WWOX: variants seen among roughly 807,000 people sequenced by gnomAD.
WWOX encodes WW domain containing oxidoreductase.
A neutral mutation model predicts 46.2 loss-of-function variants in WWOX; 69 were observed. That is an observed-to-expected ratio of 1.49 (90% CI 1.23 to 1.82). The LOEUF (loss-of-function observed/expected upper bound fraction) is 1.82. WWOX is among the 40% of genes most tolerant of loss of function. The pLI, the probability that WWOX is intolerant of heterozygous loss-of-function variation, is 0.00. For missense variants in WWOX, 919 were observed against 542.6 expected (o/e 1.69, Z -6.89); for synonymous variants, 359 against 202.6 (o/e 1.77, Z -6.56).
chr16:78,940,948 C>G (rs867502916), intron 8 of WWOX, among the ~76,000 whole-genome samples: 15 of 151,954 alleles, frequency 9.9e-5, no homozygotes, highest in African/African-American at 2.7e-4. Flanking sequence ...TCTGCCCCCC[C>G]ACCCCATCCC....
At chr16:78,677,412 T>G (rs781671590) in intron 8 of WWOX, among the ~76,000 whole-genome samples, 1 of 152,200 alleles carries the variant, frequency 6.6e-6, no homozygotes, top group Non-Finnish European at 1.5e-5. Context: ...AAACTTGCAA[T>G]GGCTTGCCAA....
intron 5 of WWOX, among the ~76,000 whole-genome samples, chr16:78,323,401 G>A (rs1029909019): frequency 2.6e-5 from 4 of 152,172 alleles, no homozygotes; most frequent in East Asian, 1.9e-4. Context: ...CACTGCGCCC[G>A]GCCGGGGATC....
intron 8 of WWOX, among the ~76,000 whole-genome samples, chr16:78,805,851 T>C (rs553020409): frequency 1.1e-4 from 16 of 152,358 alleles, no homozygotes; most frequent in South Asian, 6.2e-4. Flanking sequence ...TCTGCGAATA[T>C]AGAAAGATTA....
intron 8 of WWOX, among the ~76,000 whole-genome samples, chr16:79,112,781 C>T (rs76663638): frequency 0.02 from 3,092 of 152,142 alleles, 119 homozygotes; most frequent in African/African-American, 0.07. Context: ...CATCTAGTTT[C>T]GCCGCCTCGT....
chr16:78,704,088 G>C (rs534197309), intron 8 of WWOX, among the ~76,000 whole-genome samples: 2 of 151,378 alleles, frequency 1.3e-5, no homozygotes, highest in African/African-American at 4.8e-5. Flanking sequence ...CAATTCACTA[G>C]ATGTTGTTCC....
Position 78,220,496 on chromosome 16 carries a change from G to A in WWOX, c.516+56207G>A, listed in dbSNP as rs560408172. The stretch of plus-strand genomic sequence containing the variant: ...TTTTAATTTCTCGACAGTCTCCCAT[G>A]GTTATTTTCTGATCATAACTTGAAA... On this transcript the variant is annotated intron_variant, in intron 5 of 8. Coordinates refer to ENST00000566780, the MANE Select transcript of WWOX (RefSeq NM_016373.4). 3.0e-3 allele frequency among the ~76,000 whole-genome samples: 463 copies of A among 152,168 alleles called. 5 individuals are homozygous for A. Among genetic ancestry groups the A allele is most frequent in the African/African-American group, 0.011 (448 of 41,556 alleles).
At chr16:78,832,753 G>A (rs2051866585) in intron 8 of WWOX, among the ~76,000 whole-genome samples, 1 of 152,152 alleles carries the variant, frequency 6.6e-6, no homozygotes, top group South Asian at 2.1e-4. Flanking sequence ...GAGCATACAG[G>A]CCAGCAGGTG....
chr16:79,000,589 G>T (rs1002494195), intron 8 of WWOX, among the ~76,000 whole-genome samples: 15 of 152,184 alleles, frequency 9.9e-5, no homozygotes, highest in Non-Finnish European at 1.6e-4. Flanking sequence ...GCAGCGTCTA[G>T]AAGCCAGAAG....
intron 8 of WWOX, among the ~76,000 whole-genome samples, chr16:78,527,965 G>A (rs1395959208): frequency 1.4e-5 from 2 of 144,102 alleles, no homozygotes; most frequent in Admixed American, 1.4e-4. Flanking sequence ...ATTCAAGGTG[G>A]CTATGTCACA....
Position 78,568,191 on chromosome 16 carries a change from C to G in WWOX, c.1056+135439C>G, listed in dbSNP as rs144757144. Among the ~76,000 whole-genome samples the G allele has an allele frequency of 3.9e-5, 6 of 152,246 alleles. No individual in the cohort carries two copies. The East Asian group carries it at 5.8e-4, about 15-fold the overall frequency. On this transcript the variant is annotated intron_variant, in intron 8 of 8. Coordinates refer to ENST00000566780, the MANE Select transcript of WWOX (RefSeq NM_016373.4). ...TCACCAAAAATCATCCTCTGAAAAA[C>G]TCTTCTGAACAACATCGGCTGTGCA...
At chr16:79,038,373 A>G (rs1015428069) in intron 8 of WWOX, among the ~76,000 whole-genome samples, 1 of 152,192 alleles carries the variant, frequency 6.6e-6, no homozygotes, top group South Asian at 2.1e-4. Flanking sequence ...TGGAAAACGA[A>G]GGAAGAAAAA....
rs144797725 is a variant in WWOX at position 78,711,909 on chromosome 16, C to G, written c.1056+279157C>G. The stretch of plus-strand genomic sequence containing the variant: ...CGCGCCATCTAAATTAATCCAAATT[C>G]AGAACAAAGCTCTCTTGGAAAAGGA... On this transcript the variant is annotated intron_variant, in intron 8 of 8. Transcript: ENST00000566780. Among the ~76,000 whole-genome samples, 4 of 152,258 alleles carry G rather than the reference C, an allele frequency of 2.6e-5. No individual in the cohort carries two copies. The East Asian group carries it at 7.8e-4, about 30-fold the overall frequency.
chr16:78,985,120 T>A (rs1218780822), intron 8 of WWOX, among the ~76,000 whole-genome samples: 2 of 152,302 alleles, frequency 1.3e-5, no homozygotes, highest in South Asian at 2.1e-4. Context: ...CGGATCAGAT[T>A]CCATCTGAAT....
chr16:78,212,164 G>C (rs974332251), intron 5 of WWOX, among the ~76,000 whole-genome samples: 1 of 152,230 alleles, frequency 6.6e-6, no homozygotes, highest in East Asian at 1.9e-4. Flanking sequence ...CAGCTGTAGA[G>C]CTGCTGGGAG....
At chr16:78,309,111 T>C (rs1597464145) in intron 5 of WWOX, among the ~76,000 whole-genome samples, 4 of 152,204 alleles carry the variant, frequency 2.6e-5, no homozygotes, top group South Asian at 4.1e-4. Context: ...CCACCTGATA[T>C]GGTTTGGCTG....
intron 5 of WWOX, among the ~76,000 whole-genome samples, chr16:78,385,977 C>T (rs952920182): frequency 6.6e-6 from 1 of 152,194 alleles, no homozygotes; most frequent in Non-Finnish European, 1.5e-5. Flanking sequence ...GAGATTTGTC[C>T]TTGCAGAATG....
chr16:78,454,554 G>T (rs528473773), intron 8 of WWOX, among the ~76,000 whole-genome samples: 2 of 152,252 alleles, frequency 1.3e-5, no homozygotes, highest in African/African-American at 4.8e-5. Flanking sequence ...TGCCCAGGCT[G>T]CAGTGCAATG....
intron 8 of WWOX, among the ~76,000 whole-genome samples, chr16:79,175,054 C>G (rs2050773665): frequency 6.6e-6 from 1 of 152,212 alleles, no homozygotes; most frequent in Non-Finnish European, 1.5e-5. Flanking sequence ...TCCCACCAAT[C>G]TCTGCCAGTA....
At chr16:78,534,737 C>G (rs563993166) in intron 8 of WWOX, among the ~76,000 whole-genome samples, 2 of 151,594 alleles carry the variant, frequency 1.3e-5, no homozygotes, top group East Asian at 1.9e-4. Context: ...TTTTTTGAGA[C>G]AGAGTCTCTG....
Sources: gnomAD v4.1 joint callset for allele counts (sites outside exome capture counted in the v4.1 genomes callset) on GRCh38, gnomAD v4.1.1 for gene constraint, MANE v1.5 for transcripts, NCBI Gene and HGNC (gene_info 2026-07-23, HGNC 2026-07-21) for gene names.